The following TAS1R3 variants were observed in gnomAD, a reference collection of about 807,000 sequenced individuals.
The protein encoded by TAS1R3 is taste receptor type 1 member 3.
In TAS1R3, 58 loss-of-function variants were observed where a neutral mutation model predicts 46.1. That is an observed-to-expected ratio of 1.26 (90% CI 1.02 to 1.57). The LOEUF (loss-of-function observed/expected upper bound fraction) is 1.57, where lower values mean the gene tolerates loss of function less well. Ranked by LOEUF, TAS1R3 falls within the 40% of genes most tolerant of loss-of-function variation. The probability of loss-of-function intolerance (pLI) is 0.00; values close to 1 mark genes in which losing one functional copy is unlikely to be tolerated. For synonymous variants in TAS1R3, 724 were observed against 544.7 expected, an observed-to-expected ratio of 1.33 and a Z score of -4.58; for missense variants, 1,422 against 1,185.8, an observed-to-expected ratio of 1.20 and a Z score of -2.93.
rs777986883 is a variant in TAS1R3 at position 1,332,517 on chromosome 1, C to T, written c.986C>T (p.Ala329Val). 90 of 1,611,306 alleles carry T rather than the reference C, an allele frequency of 5.6e-5. 1 individual carries two copies. The highest frequency in any genetic ancestry group is 2.2e-4 in the South Asian group (20 of 91,090). The change falls in exon 3 of 6, where the codon GCC becomes GTC. Residue 329 changes from alanine to valine, a missense_variant. Physicochemically the swap from Ala to Val is moderately conservative, Grantham distance 64. Transcript: ENST00000339381. ...GTGCTTGGCTTCCTCCAGAGGGGTG[C>T]CCAGCTGCACGAGTTCCCCCAGTAC... is the stretch of plus-strand genomic sequence containing the variant. ...GTVLGFLQRG[A>V]QLHEFPQYVK...
In TAS1R3 at chr1:1,333,918, G is replaced by C; in HGVS notation, c.2013G>C (p.Arg671=). Reference sequence around the variant, plus strand: ...AACTGCCTCTGAGCTGGGCAGACCGGCTGAGTGGCTGCCTGCGGGGGCCCT... The same window carrying C: ...AACTGCCTCTGAGCTGGGCAGACCGCCTGAGTGGCTGCCTGCGGGGGCCCT... ...ESELPLSWAD[R]LSGCLRGPWA... is the part of the protein sequence containing the mutation. Residue 671 remains arginine (R), a synonymous_variant, in exon 6 of 6, where the codon CGG becomes CGC. Transcript: ENST00000339381. 6.2e-7 allele frequency: 1 copy of C among 1,601,014 alleles called. No homozygotes were observed. The highest frequency in any genetic ancestry group is 8.5e-7 in the Non-Finnish European group (1 of 1,179,790).
In TAS1R3 at chr1:1,334,797, G is replaced by A; in HGVS notation, c.*333G>A. 3.9e-6 allele frequency: 1 copy of A among 254,960 alleles called. No individual in the cohort carries two copies. Among genetic ancestry groups the A allele is most frequent in the Non-Finnish European group, 7.5e-6 (1 of 133,006 alleles). The allele number at this position is 254,960 out of a possible 1,614,324, so 15.8% of individuals were successfully genotyped here. On this transcript the variant is annotated 3_prime_UTR_variant, in exon 6 of 6. Coordinates refer to ENST00000339381, the MANE Select transcript of TAS1R3 (RefSeq NM_152228.3). ...GAGCTCAGGAAAAGGACGCAGGGAG[G>A]CCCCGGCCAGATGGCTGGAAGCCCA... is the stretch of plus-strand genomic sequence containing the variant.
At position 1,332,193 on chromosome 1, in the gene TAS1R3, A is replaced by T. The variant is rs1199591878; in HGVS notation, c.662A>T (p.Gln221Leu). The change falls in exon 3 of 6, where the codon CAG becomes CTG. Residue 221 changes from glutamine to leucine, a missense_variant. Transcript: ENST00000339381. ...GGCAGCGACGACGAGTACGGCCGGC[A>T]GGGCCTGAGCATCTTCTCGGCCCTG... ...ALGSDDEYGR[Q>L]GLSIFSALAA... is the part of the protein sequence containing the mutation. 6.3e-7 allele frequency: 1 copy of T among 1,595,682 alleles called. No individual in the cohort carries two copies. The highest frequency in any genetic ancestry group is 1.1e-5 in the South Asian group (1 of 90,656).
chr1:1,332,992 C>A lies in TAS1R3; in HGVS notation c.1347C>A (p.Asn449Lys). 6.2e-7 allele frequency: 1 copy of A among 1,612,752 alleles called. No individual in the cohort carries two copies. The highest frequency in any genetic ancestry group is 1.1e-5 in the South Asian group (1 of 91,086). ...CGCTGCGGTTCGACAGCAGCGGAAA[C>A]GTGGACATGGAGTACGACCTGAAGC... Reference protein sequence around the residue: ...GLPLRFDSSGNVDMEYDLKLW... With the variant: ...GLPLRFDSSGKVDMEYDLKLW... The change falls in exon 4 of 6, where the codon AAC (asparagine) becomes AAA (lysine). Residue 449 changes from asparagine (N) to lysine (K), a missense_variant. Coordinates refer to ENST00000339381, the MANE Select transcript of TAS1R3 (RefSeq NM_152228.3).
At position 1,334,170 on chromosome 1, in the gene TAS1R3, G is replaced by C. The variant is rs375596902; in HGVS notation, c.2265G>C (p.Pro755=). 1 of 1,591,972 alleles carries C rather than the reference G, an allele frequency of 6.3e-7. No homozygotes were observed. Among genetic ancestry groups the C allele is most frequent in the African/African-American group, 1.3e-5 (1 of 74,544 alleles). The change falls in exon 6 of 6, where the codon CCG becomes CCC. Residue 755 remains proline (P), a synonymous_variant. Coordinates refer to ENST00000339381, the MANE Select transcript of TAS1R3 (RefSeq NM_152228.3). The part of the protein sequence containing the change: ...FLGTFLVRSQ[P]GCYNRARGLT... ...GCACTTTCCTGGTGCGGAGCCAGCC[G>C]GGCTGCTACAACCGTGCCCGTGGCC...
Position 1,333,777 on chromosome 1 carries a change from C to A in TAS1R3, c.1872C>A (p.Phe624Leu). The A allele has an allele frequency of 6.3e-7, 1 of 1,594,120 alleles. No homozygotes were observed. Among genetic ancestry groups the A allele is most frequent in the Non-Finnish European group, 8.5e-7 (1 of 1,174,330 alleles). The change falls in exon 6 of 6, where the codon TTC becomes TTA. Residue 624 changes from phenylalanine to leucine, a missense_variant. By Grantham distance (22) the Phe-to-Leu change is conservative. Transcript: ENST00000339381. ...TGGTCTGCCTCAGCGTCCTCCTGTT[C>A]CCTGGCCAGCCCAGCCCTGCCCGAT... ...LGLVCLSVLLFPGQPSPARCL... is the reference protein window; with the variant it reads ...LGLVCLSVLLLPGQPSPARCL...
chr1:1,331,459 G>C lies in TAS1R3; in HGVS notation c.114G>C (p.Gly38=). The change falls in exon 1 of 6, where the codon GGG becomes GGC. Residue 38 remains glycine (G), a synonymous_variant. Transcript: ENST00000339381. ...GGATGAAGGGGGACTACGTGCTGGGGGGGCTGTTCCCCCTGGGCGAGGCCG... is the reference window on the plus strand; with the variant it reads ...GGATGAAGGGGGACTACGTGCTGGGCGGGCTGTTCCCCCTGGGCGAGGCCG... ...QLRMKGDYVL[G]GLFPLGEAEE... The C allele has an allele frequency of 6.2e-7, 1 of 1,605,528 alleles. No homozygotes were observed. Among genetic ancestry groups the C allele is most frequent in the Non-Finnish European group, 8.5e-7 (1 of 1,177,444 alleles).
chr1:1,333,160 G>A (rs780582224), intron 4 of TAS1R3, 36 bp downstream of exon 4: 2 of 1,601,288 alleles, frequency 1.2e-6, no homozygotes, highest in South Asian at 1.1e-5. Context: ...CGTGCCCGTG[G>A]TAGCCCCCGC....
At chr1:1,333,178 C>A (rs949397457) in intron 4 of TAS1R3, 54 bp downstream of exon 4, 3 of 1,592,242 alleles carry the variant, frequency 1.9e-6, no homozygotes, top group Admixed American at 3.5e-5. Context: ...CGCGGCAGGG[C>A]GCAGCCTGGG....
Position 1,331,831 on chromosome 1 carries a change from T to C in TAS1R3, c.385T>C (p.Cys129Arg), listed in dbSNP as rs746319990. Residue 129 changes from cysteine (C) to arginine (R), a missense_variant, in exon 2 of 6, where the codon TGC (cysteine) becomes CGC (arginine). Transcript: ENST00000339381. ...AGGCAGCCGCGACATCGCCGCCTAC[T>C]GCAACTACACGCAGTACCAGCCCCG... ...KAGSRDIAAY[C>R]NYTQYQPRVL... The C allele has an allele frequency of 6.8e-6, 11 of 1,612,884 alleles. No individual in the cohort carries two copies. Among genetic ancestry groups the C allele is most frequent in the South Asian group, 1.1e-5 (1 of 91,088 alleles).
In TAS1R3 at chr1:1,332,452, C is replaced by T; in HGVS notation, c.921C>T (p.Asp307=). ...CCAGCGAGGCCTGGCTGACCTCTGACCTGGTCATGGGGCTGCCCGGCATGG... is the reference window on the plus strand; with the variant it reads ...CCAGCGAGGCCTGGCTGACCTCTGATCTGGTCATGGGGCTGCCCGGCATGG... ...WVASEAWLTS[D]LVMGLPGMAQ... The change falls in exon 3 of 6, where the codon GAC becomes GAT. Residue 307 remains aspartate, a synonymous_variant. Coordinates refer to ENST00000339381, the MANE Select transcript of TAS1R3 (RefSeq NM_152228.3). The T allele has an allele frequency of 6.2e-7, 1 of 1,609,274 alleles. No homozygotes were observed. The highest frequency in any genetic ancestry group is 8.5e-7 in the Non-Finnish European group (1 of 1,179,512).
rs1326300942 is a variant in TAS1R3, at chr1:1,332,806, G to A, written c.1275G>A (p.Gln425=). 6.2e-7 allele frequency: 1 copy of A among 1,602,252 alleles called. No homozygotes were observed. The highest frequency in any genetic ancestry group is 8.5e-7 in the Non-Finnish European group (1 of 1,175,356). The part of the protein sequence containing the change: ...CPAQDPVKPW[Q]LLENMYNLTF... Reference sequence around the variant, plus strand: ...CGCAGGACCCCGTGAAGCCCTGGCAGGTGAGCCCGGGAGATGGGGGTGTGC... The same window carrying A: ...CGCAGGACCCCGTGAAGCCCTGGCAAGTGAGCCCGGGAGATGGGGGTGTGC... Residue 425 remains glutamine (Q), a splice_region_variant and synonymous_variant, in exon 3 of 6, where the codon CAG becomes CAA. Transcript: ENST00000339381.
Position 1,334,781 on chromosome 1 carries a change from A to T in TAS1R3, c.*317A>T, listed in dbSNP as rs1643518698. The stretch of plus-strand genomic sequence containing the variant: ...CCGCAACCCACACCGTGAGCTCAGG[A>T]AAAGGACGCAGGGAGGCCCCGGCCA... On this transcript the variant is annotated 3_prime_UTR_variant, in exon 6 of 6. Coordinates refer to ENST00000339381, the MANE Select transcript of TAS1R3 (RefSeq NM_152228.3). The T allele has an allele frequency of 3.5e-6, 1 of 286,672 alleles. No individual in the cohort carries two copies. Among genetic ancestry groups the T allele is most frequent in the South Asian group, 8.4e-5 (1 of 11,938 alleles). The allele number at this position is 286,672 out of a possible 1,614,324, so 17.8% of individuals were successfully genotyped here. A position where few individuals can be genotyped will look rare whatever the true frequency, so the allele number is the denominator to read the frequency against.
Position 1,333,336 on chromosome 1 carries a change from C to T in TAS1R3, c.1557C>T (p.Tyr519=), listed in dbSNP as rs763980806. 42 of 1,608,374 alleles carry T rather than the reference C, an allele frequency of 2.6e-5. No homozygotes were observed. In the East Asian group the frequency reaches 4.5e-4, roughly 17 times the overall value. Reference sequence around the variant, plus strand: ...TCAAGGGGTTCCACTCCTGCTGCTACGACTGTGTGGACTGCGAGGCGGGCA... The same window carrying T: ...TCAAGGGGTTCCACTCCTGCTGCTATGACTGTGTGGACTGCGAGGCGGGCA... ...RRVKGFHSCC[Y]DCVDCEAGSY... Residue 519 remains tyrosine, a synonymous_variant, in exon 5 of 6, where the codon TAC becomes TAT. Coordinates refer to ENST00000339381, the MANE Select transcript of TAS1R3 (RefSeq NM_152228.3).
In TAS1R3 at chr1:1,334,242, G is replaced by C. The variant is rs762196026; in HGVS notation, c.2337G>C (p.Val779=). Residue 779 remains valine, a synonymous_variant, in exon 6 of 6, where the codon GTG becomes GTC. Coordinates refer to ENST00000339381, the MANE Select transcript of TAS1R3 (RefSeq NM_152228.3). Reference sequence around the variant, plus strand: ...ACTTCATCACCTGGGTCTCCTTTGTGCCCCTCCTGGCCAATGTGCAGGTGG... The same window carrying C: ...ACTTCATCACCTGGGTCTCCTTTGTCCCCCTCCTGGCCAATGTGCAGGTGG... The part of the protein sequence containing the change: ...LAYFITWVSF[V]PLLANVQVVL... 785 of 1,611,340 alleles carry C rather than the reference G, an allele frequency of 4.9e-4. 1 individual carries two copies. The highest frequency in any genetic ancestry group is 7.7e-4 in the South Asian group (70 of 90,668).
Position 1,333,610 on chromosome 1 carries a change from G to GTGC in TAS1R3, c.1716_1718dup (p.Leu576dup), listed in dbSNP as rs754038059. ...GTTCCTGGCATGGGGCGAGCCGGCT[G>GTGC]TGCTGCTGCTGCTCCTGCTGCTGAG... On this transcript the variant is annotated inframe_insertion, in exon 6 of 6. Coordinates refer to ENST00000339381, the MANE Select transcript of TAS1R3 (RefSeq NM_152228.3). 4 of 1,610,376 alleles carry GTGC rather than the reference G, an allele frequency of 2.5e-6. No homozygotes were observed. Among genetic ancestry groups the GTGC allele is most frequent in the South Asian group, 1.1e-5 (1 of 91,088 alleles).
chr1:1,332,153 T>C lies in TAS1R3; in HGVS notation c.622T>C (p.Trp208Arg). The C allele has an allele frequency of 1.3e-6, 2 of 1,598,516 alleles. No individual in the cohort carries two copies. The highest frequency in any genetic ancestry group is 1.3e-5 in the African/African-American group (1 of 75,024). ...AELLQEFGWN[W>R]VAALGSDDEY... ...GCTGCTGCAGGAGTTCGGCTGGAAC[T>C]GGGTGGCCGCCCTGGGCAGCGACGA... is the stretch of plus-strand genomic sequence containing the variant. Residue 208 changes from tryptophan to arginine, a missense_variant, in exon 3 of 6, where the codon TGG becomes CGG. Trp to Arg is a moderately radical substitution (Grantham distance 101, BLOSUM62 -3). Transcript: ENST00000339381.
Position 1,333,941 on chromosome 1 carries a change from C to A in TAS1R3, c.2036C>A (p.Pro679His), listed in dbSNP as rs770948249. ...CGGCTGAGTGGCTGCCTGCGGGGGC[C>A]CTGGGCCTGGCTGGTGGTGCTGCTG... is the stretch of plus-strand genomic sequence containing the variant. ...ADRLSGCLRG[P>H]WAWLVVLLAM... Residue 679 changes from proline (P) to histidine (H), a missense_variant, in exon 6 of 6, where the codon CCC (proline) becomes CAC (histidine). Coordinates refer to ENST00000339381, the MANE Select transcript of TAS1R3 (RefSeq NM_152228.3). 8 of 1,600,114 alleles carry A rather than the reference C, an allele frequency of 5.0e-6. No homozygotes were observed. In the African/African-American group the frequency reaches 9.4e-5, roughly 19 times the overall value.
Position 1,334,193 on chromosome 1 carries a change from GCCT to G in TAS1R3, c.2290_2292del (p.Leu764del), listed in dbSNP as rs772348745. 6.2e-7 allele frequency: 1 copy of G among 1,602,958 alleles called. No individual in the cohort carries two copies. On this transcript the variant is annotated inframe_deletion, in exon 6 of 6. Transcript: ENST00000339381. ...CCGGGCTGCTACAACCGTGCCCGTG[GCCT>G]CACCTTTGCCATGCTGGCCTACTTC...
Sources: allele counts gnomAD v4.1 joint callset, GRCh38; gene constraint gnomAD v4.1.1; transcripts MANE v1.5; gene names NCBI Gene and HGNC (gene_info 2026-07-23, HGNC 2026-07-21).